TXNL4B: variants seen among roughly 807,000 people sequenced by gnomAD.
TXNL4B encodes thioredoxin-like protein 4B.
A neutral mutation model predicts 13.0 loss-of-function variants in TXNL4B; 12 were observed. The observed-to-expected ratio is 0.92, with a 90% CI of 0.59 to 1.49. The LOEUF is 1.49. Among genes scored for constraint, TXNL4B ranks in the 40% most tolerant of loss-of-function variants. The pLI is 0.00. For synonymous variants in TXNL4B, 59 were observed against 58.9 expected, an observed-to-expected ratio of 1.00 and a Z score of -0.01; for missense variants, 214 against 173.6, an observed-to-expected ratio of 1.23 and a Z score of -1.31.
chr16:72,090,554 C>CAGATGCTGAAGT (rs900665388), intron 2 of TXNL4B, 64 bp downstream of exon 2: 1 of 1,553,394 alleles, frequency 6.4e-7, no homozygotes, highest in African/African-American at 1.4e-5. Context: ...ATGTACTACT[C>CAGATGCTGAAGT]AGATGCTGAA....
chr16:72,090,874 T>G (rs557543201), intron 1 of TXNL4B, 88 bp from the exon 2 acceptor site: 206 of 1,039,894 alleles, frequency 2.0e-4, no homozygotes, highest in Admixed American at 5.8e-4. Context: ...GTAGCTAATG[T>G]ATTCACATGG....
At chr16:72,087,946 A>C (rs191918643) in intron 3 of TXNL4B, among the ~76,000 whole-genome samples, 3 of 152,258 alleles carry the variant, frequency 2.0e-5, no homozygotes, top group African/African-American at 7.2e-5. Flanking sequence ...CAGCCTCCAG[A>C]GTAGCCGGGA....
In TXNL4B at chr16:72,093,418, C is replaced by T. The variant is rs1325921012; in HGVS notation, c.-89G>A. On this transcript the variant is annotated 5_prime_UTR_variant, in exon 1 of 4. Transcript: ENST00000268483. ...CTTTCACTTTGTGGCTGTCAGCAAC[C>T]ACTTCTCGGAAGAGCCCGGGCGCGG... The T allele has an allele frequency of 6.6e-6, 1 of 152,372 alleles. No individual in the cohort carries two copies. The highest frequency in any genetic ancestry group is 1.5e-5 in the Non-Finnish European group (1 of 68,136). 9.4% of individuals were successfully genotyped at this position (152,372 alleles called of 1,614,324 possible).
At chr16:72,089,321 G>T (rs567114540) in intron 2 of TXNL4B, among the ~76,000 whole-genome samples, 183 bp from the exon 3 acceptor site, 1 of 152,204 alleles carries the variant, frequency 6.6e-6, no homozygotes, top group African/African-American at 2.4e-5. Context: ...TCACTGCAAC[G>T]GGGTTAGGAG....
At position 72,089,044 on chromosome 16, in the gene TXNL4B, C is replaced by T; in HGVS notation, c.227G>A (p.Ser76Asn). ...TAVYTQYFDI[S>N]YIPSTVFFFN... ...GAAAAAGACAGTAGATGGAATATAA[C>T]TGATGTCAAAATACTGTGTATAAAC... Residue 76 changes from serine (S) to asparagine (N), a missense_variant, in exon 3 of 4, where the codon AGT (serine) becomes AAT (asparagine). By Grantham distance (46) the Ser-to-Asn change is conservative. Coordinates refer to ENST00000268483, the MANE Select transcript of TXNL4B (RefSeq NM_017853.3). 1 of 1,612,172 alleles carries T rather than the reference C, an allele frequency of 6.2e-7. No homozygotes were observed. The highest frequency in any genetic ancestry group is 8.5e-7 in the Non-Finnish European group (1 of 1,178,386).
intron 2 of TXNL4B, chr16:72,090,268 C>G: frequency 2.2e-6 from 1 of 458,858 alleles, no homozygotes; most frequent in Non-Finnish European, 4.3e-6. Context: ...ATTACTTGAC[C>G]TCTCTGGTTT....
intron 1 of TXNL4B, 105 bp downstream of exon 1, chr16:72,093,262 G>A (rs2041944884): frequency 6.6e-6 from 1 of 152,288 alleles, no homozygotes; most frequent in Non-Finnish European, 1.5e-5. Flanking sequence ...TTTATTTACA[G>A]CCGGGCGCGC....
chr16:72,085,251 G>A lies in TXNL4B; in HGVS notation c.*1386C>T, dbSNP rs1300314001. The A allele has an allele frequency of 2.7e-6, 1 of 369,070 alleles. No homozygotes were observed. Among genetic ancestry groups the A allele is most frequent in the African/African-American group, 2.1e-5 (1 of 48,012 alleles). 22.9% of individuals were successfully genotyped at this position (369,070 alleles called of 1,614,324 possible). A position where few individuals can be genotyped will look rare whatever the true frequency, so the allele number is the denominator to read the frequency against. The stretch of plus-strand genomic sequence containing the variant: ...GTGGAATGGAGCCCCTGGCAAAGGG[G>A]GCTGGACTTGCAGTGACAGTGCTGC... On this transcript the variant is annotated 3_prime_UTR_variant, in exon 4 of 4. Transcript: ENST00000268483.
At chr16:72,090,205 A>C in intron 2 of TXNL4B, 1 of 457,038 alleles carries the variant, frequency 2.2e-6, no homozygotes, top group South Asian at 1.5e-5. Flanking sequence ...CAGCTACAGA[A>C]AACTGAGTTC....
intron 1 of TXNL4B, among the ~76,000 whole-genome samples, chr16:72,091,778 T>C (rs1405897851): frequency 6.6e-6 from 1 of 152,216 alleles, no homozygotes; most frequent in African/African-American, 2.4e-5. Flanking sequence ...AGAGTGTGTG[T>C]GAAAACTACA....
intron 2 of TXNL4B, chr16:72,090,249 C>T (rs1448701498): frequency 6.5e-6 from 3 of 460,580 alleles, no homozygotes. Flanking sequence ...GGATCTGCAC[C>T]TGTGGGAAAT....
chr16:72,088,606 AT>A (rs1279462144), intron 3 of TXNL4B, among the ~76,000 whole-genome samples: 1 of 152,224 alleles, frequency 6.6e-6, no homozygotes, highest in East Asian at 1.9e-4. Context: ...GAAAAACTAC[AT>A]GTTTTGTTTC....
chr16:72,087,435 A>G (rs2041840269), intron 3 of TXNL4B: 1 of 151,668 alleles, frequency 6.6e-6, no homozygotes, highest in Non-Finnish European at 1.5e-5. Flanking sequence ...ATTCAGTAAT[A>G]TGCTTTTTTC....
At position 72,090,704 on chromosome 16, in the gene TXNL4B, G is replaced by T. The variant is rs747435408; in HGVS notation, c.46C>A (p.Gln16Lys). Residue 16 changes from glutamine (Q) to lysine (K), a missense_variant, in exon 2 of 4, where the codon CAG becomes AAG. Transcript: ENST00000268483. ...PKLTSKKEVD[Q>K]AIKSTAEKVL... ...TTCTCAGCAGTACTTTTTATCGCCT[G>T]GTCTACTTCCTTTTTGCTAGTCAGC... 6.2e-6 allele frequency: 10 copies of T among 1,613,956 alleles called. No homozygotes were observed.
rs752111808 is a variant in TXNL4B, at chr16:72,086,783, A to C, written c.304T>G (p.Phe102Val). 2.5e-6 allele frequency: 4 copies of C among 1,611,390 alleles called. No individual in the cohort carries two copies. Among genetic ancestry groups the C allele is most frequent in the South Asian group, 1.1e-5 (1 of 90,868 alleles). ...VDYGSPDHTK[F>V]VGSFKTKQDF... ...TGTTTGGTTTTGAAGCTTCCCACAA[A>C]CTTAGTGTGATCTGGAGATCTAGAC... Residue 102 changes from phenylalanine (F) to valine (V), a missense_variant, in exon 4 of 4, where the codon TTT (phenylalanine) becomes GTT (valine). Transcript: ENST00000268483.
rs2041809588 is a variant in TXNL4B, at chr16:72,085,495, G to A, written c.*1142C>T. Reference sequence around the variant, plus strand: ...AATTCCTTACAAAGTTATTAAAACAGGCAAATCCCATATAGGTGACATTTC... The same window carrying A: ...AATTCCTTACAAAGTTATTAAAACAAGCAAATCCCATATAGGTGACATTTC... On this transcript the variant is annotated 3_prime_UTR_variant, in exon 4 of 4. Coordinates refer to ENST00000268483, the MANE Select transcript of TXNL4B (RefSeq NM_017853.3). The A allele has an allele frequency of 6.5e-6, 1 of 153,272 alleles. No homozygotes were observed. Among genetic ancestry groups the A allele is most frequent in the Admixed American group, 6.5e-5 (1 of 15,318 alleles). 9.5% of individuals were successfully genotyped at this position (153,272 alleles called of 1,614,324 possible).
Position 72,086,596 on chromosome 16 carries a change from A to G in TXNL4B, c.*41T>C. On this transcript the variant is annotated 3_prime_UTR_variant, in exon 4 of 4. Coordinates refer to ENST00000268483, the MANE Select transcript of TXNL4B (RefSeq NM_017853.3). Reference sequence around the variant, plus strand: ...CACAGCTGGATTCAGGTACTGTGTCAAGATGTGCCTTCTTCTTCATCTTTG... The same window carrying G: ...CACAGCTGGATTCAGGTACTGTGTCGAGATGTGCCTTCTTCTTCATCTTTG... 1 of 1,576,248 alleles carries G rather than the reference A, an allele frequency of 6.3e-7. No individual in the cohort carries two copies. The highest frequency in any genetic ancestry group is 1.3e-5 in the African/African-American group (1 of 74,364).
In TXNL4B at chr16:72,086,537, G is replaced by C; in HGVS notation, c.*100C>G. ...CGCAAGTCAAACCTCTTCTCCTCTGGGACACATGTTTCCAAAGGACTCCAG... is the reference window on the plus strand; with the variant it reads ...CGCAAGTCAAACCTCTTCTCCTCTGCGACACATGTTTCCAAAGGACTCCAG... On this transcript the variant is annotated 3_prime_UTR_variant, in exon 4 of 4. Transcript: ENST00000268483. 2.5e-6 allele frequency: 3 copies of C among 1,177,810 alleles called. No individual in the cohort carries two copies. The highest frequency in any genetic ancestry group is 3.6e-6 in the Non-Finnish European group (3 of 828,550). 73.0% of individuals were successfully genotyped at this position (1,177,810 alleles called of 1,614,324 possible).
chr16:72,087,326 T>TTGTGTGTGTGTGTGTGTGTGTGTGTGTG (rs71391437), intron 3 of TXNL4B: 1 of 141,834 alleles, frequency 7.1e-6, no homozygotes, highest in Non-Finnish European at 1.5e-5. Context: ...CCTTCCAATC[T>TTGTGTGTGTGTGTGTGTGTGTGTGTGTG]TGTGTGTGTG....
Sources: gnomAD v4.1 joint callset for allele counts (sites outside exome capture counted in the v4.1 genomes callset) on GRCh38, gnomAD v4.1.1 for gene constraint, MANE v1.5 for transcripts, NCBI Gene and HGNC (gene_info 2026-07-23, HGNC 2026-07-21) for gene names.